The following ATP9A variants were observed in gnomAD, a reference collection of about 807,000 sequenced individuals.
ATP9A encodes the protein probable phospholipid-transporting ATPase IIA.
ATP9A carries 52 observed loss-of-function variants against 144.1 expected under a neutral mutation model. That is an observed-to-expected ratio of 0.36 (90% CI 0.29 to 0.45). ATP9A has a LOEUF of 0.45. Ranked by LOEUF, ATP9A falls within the 20% of genes least tolerant of loss-of-function variation. The pLI, the probability that ATP9A is intolerant of heterozygous loss-of-function variation, is 1.00. For missense variants in ATP9A, 947 were observed against 1,392.7 expected (o/e 0.68, Z 5.09); for synonymous variants, 582 against 557.4 (o/e 1.04, Z -0.62).
chr20:51,619,960 C>T (rs559684057), intron 19 of ATP9A, among the ~76,000 whole-genome samples: 6 of 151,328 alleles, frequency 4.0e-5, no homozygotes, highest in African/African-American at 9.7e-5. Context: ...TTTCTCACAA[C>T]GGCTCTATGA....
intron 15 of ATP9A, among the ~76,000 whole-genome samples, chr20:51,639,042 T>TA (rs2077307385): frequency 8.7e-6 from 1 of 115,032 alleles, no homozygotes; most frequent in African/African-American, 2.6e-5. Flanking sequence ...TTCACCTCAA[T>TA]AAAAAAATAC....
At chr20:51,730,215 T>C (rs1168448699) in intron 1 of ATP9A, among the ~76,000 whole-genome samples, 1 of 152,162 alleles carries the variant, frequency 6.6e-6, no homozygotes, top group Non-Finnish European at 1.5e-5. Context: ...ACACCTGTAA[T>C]CCCAGCACTT....
chr20:51,605,543 G>A (rs944169092), intron 26 of ATP9A, among the ~76,000 whole-genome samples: 5 of 152,194 alleles, frequency 3.3e-5, no homozygotes, highest in Non-Finnish European at 7.3e-5. Context: ...ACTTGAGCCT[G>A]GGAGATGGAG....
rs186668325 is a variant in ATP9A at position 51,760,969 on chromosome 20, A to T, written c.68+7333T>A. Among the ~76,000 whole-genome samples the T allele has an allele frequency of 8.6e-4, 131 of 152,260 alleles. 1 individual carries two copies. Among genetic ancestry groups the T allele is most frequent in the Non-Finnish European group, 2.5e-4 (17 of 68,014 alleles). On this transcript the variant is annotated intron_variant, in intron 1 of 27. Coordinates refer to ENST00000338821, the MANE Select transcript of ATP9A (RefSeq NM_006045.3). ...CTTAAACCCAGGAGGCAGAGGTTGCAGTGAGCCGAGACTGCGCCACTGCAC... is the reference window on the plus strand; with the variant it reads ...CTTAAACCCAGGAGGCAGAGGTTGCTGTGAGCCGAGACTGCGCCACTGCAC...
At chr20:51,760,719 C>A (rs1288681034) in intron 1 of ATP9A, among the ~76,000 whole-genome samples, 1 of 117,624 alleles carries the variant, frequency 8.5e-6, no homozygotes, top group African/African-American at 3.7e-5. Context: ...GAGCAAGACT[C>A]CGTCTCAAAA....
intron 22 of ATP9A, among the ~76,000 whole-genome samples, chr20:51,615,094 G>A (rs1008813234): frequency 2.3e-4 from 32 of 140,276 alleles, no homozygotes; most frequent in Non-Finnish European, 3.6e-4. Flanking sequence ...TGCCTGGGGG[G>A]GCGGGGCGGG....
intron 14 of ATP9A, among the ~76,000 whole-genome samples, chr20:51,641,643 C>T (rs1051921975): frequency 3.2e-4 from 48 of 151,058 alleles, no homozygotes; most frequent in Admixed American, 2.1e-3. Context: ...AGTGAAACCC[C>T]ATCTCTACTA....
chr20:51,638,069 T>TA (rs2077300535), intron 15 of ATP9A, among the ~76,000 whole-genome samples: 1 of 73,124 alleles, frequency 1.4e-5, no homozygotes, highest in Non-Finnish European at 2.7e-5. Flanking sequence ...CATTTCATCA[T>TA]TTTATATATA....
intron 9 of ATP9A, among the ~76,000 whole-genome samples, chr20:51,687,864 T>A (rs898654434): frequency 6.6e-6 from 1 of 151,952 alleles, no homozygotes; most frequent in African/African-American, 2.4e-5. Context: ...GAATACTATG[T>A]TTGAAGAGAG....
chr20:51,718,343 A>G (rs999069445), intron 3 of ATP9A, among the ~76,000 whole-genome samples: 1 of 148,792 alleles, frequency 6.7e-6, no homozygotes. Context: ...TAGTAGCTAC[A>G]CAGGTGATTT....
chr20:51,604,221 G>A (rs898326827), intron 27 of ATP9A, among the ~76,000 whole-genome samples: 4 of 152,156 alleles, frequency 2.6e-5, no homozygotes, highest in African/African-American at 9.7e-5. Context: ...AACGAGAAGG[G>A]CAGCTCCCTG....
At position 51,692,906 on chromosome 20, in the gene ATP9A, A is replaced by G. The variant is rs541564727; in HGVS notation, c.642+1102T>C. Among the ~76,000 whole-genome samples, 7 of 152,332 alleles carry G rather than the reference A, an allele frequency of 4.6e-5. No individual in the cohort carries two copies. The South Asian group carries it at 1.5e-3, about 32-fold the overall frequency. ...ATGAAAAATCATTCATAGGGTGGCT[A>G]CATTTCTTGTTACGTCAATCCCGCC... On this transcript the variant is annotated intron_variant, in intron 7 of 27. Coordinates refer to ENST00000338821, the MANE Select transcript of ATP9A (RefSeq NM_006045.3).
intron 22 of ATP9A, among the ~76,000 whole-genome samples, chr20:51,614,210 A>G (rs1319175859): frequency 6.6e-6 from 1 of 152,270 alleles, no homozygotes; most frequent in Non-Finnish European, 1.5e-5. Context: ...ATTAGATAGG[A>G]TATTCCTGAA....
Position 51,596,631 on chromosome 20 carries a change from T to C in ATP9A, c.*4580A>G, listed in dbSNP as rs909285100. On this transcript the variant is annotated 3_prime_UTR_variant, in exon 28 of 28. Coordinates refer to ENST00000338821, the MANE Select transcript of ATP9A (RefSeq NM_006045.3). ...TGATTTGGGGTTTTTTTTGCCAAAATCAAAATAATTTTCTGAACTGGAAAG... is the reference window on the plus strand; with the variant it reads ...TGATTTGGGGTTTTTTTTGCCAAAACCAAAATAATTTTCTGAACTGGAAAG... 5.3e-5 allele frequency: 8 copies of C among 152,082 alleles called. No individual in the cohort carries two copies. The highest frequency in any genetic ancestry group is 7.4e-5 in the Non-Finnish European group (5 of 67,978). 9.4% of individuals were successfully genotyped at this position (152,082 alleles called of 1,614,324 possible).
chr20:51,650,581 G>A (rs888737460), intron 14 of ATP9A, among the ~76,000 whole-genome samples: 9 of 151,820 alleles, frequency 5.9e-5, no homozygotes, highest in African/African-American at 1.2e-4. Flanking sequence ...TTAATGAAGC[G>A]TGAGGGTAAT....
In ATP9A at chr20:51,671,242, C is replaced by G. The variant is rs1287748734; in HGVS notation, c.1053G>C (p.Leu351=). The change falls in exon 12 of 28, where the codon CTG becomes CTC. Residue 351 remains leucine, a synonymous_variant. Transcript: ENST00000338821. Reference sequence around the variant, plus strand: ...AGCTGTACACGATCTTGCCCATGTCCAGGTTCACACGCAAACTAGGCACAA... The same window carrying G: ...AGCTGTACACGATCTTGCCCATGTCGAGGTTCACACGCAAACTAGGCACAA... ...NIIPISLRVN[L]DMGKIVYSWV... The G allele has an allele frequency of 1.9e-6, 3 of 1,613,754 alleles. No homozygotes were observed. The highest frequency in any genetic ancestry group is 2.5e-6 in the Non-Finnish European group (3 of 1,179,660).
At chr20:51,639,582 C>A (rs1229605794) in intron 14 of ATP9A, 78 bp from the exon 15 acceptor site, 2 of 1,423,862 alleles carry the variant, frequency 1.4e-6, no homozygotes, top group East Asian at 4.7e-5. Context: ...AACACAAAGG[C>A]AGAAGGGGGC....
chr20:51,617,265 T>A (rs1212100719), intron 22 of ATP9A, among the ~76,000 whole-genome samples: 1 of 152,158 alleles, frequency 6.6e-6, no homozygotes, highest in Non-Finnish European at 1.5e-5. Flanking sequence ...TTTTCTTTTT[T>A]TAAATTCAGG....
rs747269797 is a variant in ATP9A, at chr20:51,657,131, G to A, written c.1313C>T (p.Ala438Val). ...AGTGGTGAGCGTTGGGCCCTTCTGA[G>A]CCGGTGGGTCCTGGGATTGCTACAG... ...IYTQQSQDPP[A>V]QKGPTLTTKV... Residue 438 changes from alanine (A) to valine (V), a missense_variant, in exon 14 of 28, where the codon GCT (alanine) becomes GTT (valine). By Grantham distance (64) the Ala-to-Val change is moderately conservative. Coordinates refer to ENST00000338821, the MANE Select transcript of ATP9A (RefSeq NM_006045.3). 15 of 1,613,992 alleles carry A rather than the reference G, an allele frequency of 9.3e-6. No homozygotes were observed. Among genetic ancestry groups the A allele is most frequent in the Non-Finnish European group, 1.2e-5 (14 of 1,180,006 alleles).
Sources: allele counts gnomAD v4.1 joint callset (sites outside exome capture counted in the v4.1 genomes callset), GRCh38; gene constraint gnomAD v4.1.1; transcripts MANE v1.5; gene names NCBI Gene and HGNC (gene_info 2026-07-23, HGNC 2026-07-21).